AP2A2: variants seen among roughly 807,000 people sequenced by gnomAD.
AP2A2 encodes the protein AP-2 complex subunit alpha-2.
In AP2A2, 32 loss-of-function variants were observed where a neutral mutation model predicts 104.2. That is an observed-to-expected ratio of 0.31 (90% CI 0.23 to 0.41). AP2A2 has a LOEUF of 0.41. Ranked by LOEUF, AP2A2 falls within the 10% of genes least tolerant of loss-of-function variation. AP2A2 has a pLI of 1.00. For synonymous variants in AP2A2, 539 were observed against 533.3 expected, an observed-to-expected ratio of 1.01 and a Z score of -0.15; for missense variants, 912 against 1,261.0, an observed-to-expected ratio of 0.72 and a Z score of 4.19.
At chr11:1,003,849 G>A (rs1055725924) in intron 16 of AP2A2, 45 bp downstream of exon 16, 10 of 1,312,630 alleles carry the variant, frequency 7.6e-6, no homozygotes, top group Non-Finnish European at 8.5e-6. Context: ...TAGAAATATG[G>A]GAAATTAAGA....
chr11:932,378 A>G (rs1472525099), intron 1 of AP2A2, among the ~76,000 whole-genome samples: 3 of 152,284 alleles, frequency 2.0e-5, no homozygotes, highest in Non-Finnish European at 2.9e-5. Context: ...GAAACTGAAC[A>G]CTAAATTTTA....
At chr11:957,232 G>A (rs546051897) in intron 1 of AP2A2, among the ~76,000 whole-genome samples, 1 of 152,336 alleles carries the variant, frequency 6.6e-6, no homozygotes, top group Non-Finnish European at 1.5e-5. Flanking sequence ...GGCCATGGCC[G>A]CTCCATGTCC....
At chr11:932,435 G>T (rs1489033544) in intron 1 of AP2A2, among the ~76,000 whole-genome samples, 1 of 152,214 alleles carries the variant, frequency 6.6e-6, no homozygotes, top group African/African-American at 2.4e-5. Flanking sequence ...AAGTTATACT[G>T]ATTTTCGTGC....
intron 6 of AP2A2, among the ~76,000 whole-genome samples, chr11:983,661 G>A (rs1255587904): frequency 6.6e-6 from 1 of 152,204 alleles, no homozygotes; most frequent in South Asian, 2.1e-4. Flanking sequence ...GGGATTACAG[G>A]CGGGAGCCAC....
At position 993,269 on chromosome 11, in the gene AP2A2, G is replaced by T. The variant is rs1855723302; in HGVS notation, c.1453-15G>T. ...CACCTGGCTGCCACCCCGGCTCATT[G>T]TTTGTGCTTCGCAGGCTCTTCAGGC... is the stretch of plus-strand genomic sequence containing the variant. On this transcript the variant is annotated splice_polypyrimidine_tract_variant and intron_variant, in intron 11 of 21. Transcript: ENST00000448903. This position sits in a 1 kb window ranked among gnomAD's most constrained non-coding sequence, Gnocchi z 8.2. 1 of 1,599,736 alleles carries T rather than the reference G, an allele frequency of 6.3e-7. No individual in the cohort carries two copies. Among genetic ancestry groups the T allele is most frequent in the Admixed American group, 1.8e-5 (1 of 56,276 alleles).
intron 14 of AP2A2, chr11:995,399 T>C (rs1177690605): frequency 2.2e-6 from 1 of 455,654 alleles, no homozygotes; most frequent in African/African-American, 2.0e-5. Flanking sequence ...GCTGTTCCCC[T>C]CTGCACTGTC....
At chr11:1,006,371 C>G (rs982905666) in intron 16 of AP2A2, among the ~76,000 whole-genome samples, 157 bp from the exon 17 acceptor site, 1 of 152,210 alleles carries the variant, frequency 6.6e-6, no homozygotes, top group African/African-American at 2.4e-5. Context: ...CGTTCTAAAA[C>G]TGGAAAAAAT....
In AP2A2 at chr11:925,933, G is replaced by GCGGTGA; in HGVS notation, c.-85_-80dup. 9.6e-7 allele frequency: 1 copy of GCGGTGA among 1,040,314 alleles called. No individual in the cohort carries two copies. Among genetic ancestry groups the GCGGTGA allele is most frequent in the African/African-American group, 1.7e-5 (1 of 59,238 alleles). The allele number at this position is 1,040,314 out of a possible 1,614,324, so 64.4% of individuals were successfully genotyped here. A position where few individuals can be genotyped will look rare whatever the true frequency, so the allele number is the denominator to read the frequency against. Reference sequence around the variant, plus strand: ...GCGGCTCCCCGGCGGCTCCTCCGCGGCGGTGACGGCGACCGCACTCCCCGC... The same window carrying GCGGTGA: ...GCGGCTCCCCGGCGGCTCCTCCGCGGCGGTGACGGTGACGGCGACCGCACTCCCCGC... On this transcript the variant is annotated 5_prime_UTR_variant, in exon 1 of 22. Coordinates refer to ENST00000448903, the MANE Select transcript of AP2A2 (RefSeq NM_012305.4).
chr11:936,237 T>C (rs1366009471), intron 1 of AP2A2, among the ~76,000 whole-genome samples: 3 of 128,374 alleles, frequency 2.3e-5, no homozygotes, highest in Non-Finnish European at 3.3e-5. Context: ...TTTAAAGATA[T>C]AGGGTCTTGC....
intron 10 of AP2A2, among the ~76,000 whole-genome samples, chr11:991,132 G>A (rs527729837): frequency 6.6e-6 from 1 of 152,154 alleles, no homozygotes; most frequent in South Asian, 2.1e-4. Flanking sequence ...TTTCAGCCGG[G>A]TATGGTGCTC....
chr11:985,629 C>T (rs779623381), intron 8 of AP2A2, 47 bp downstream of exon 8: 23 of 1,609,800 alleles, frequency 1.4e-5, no homozygotes, highest in Admixed American at 1.2e-4. Context: ...CACACACACA[C>T]GTTCCTTCTC....
chr11:1,007,883 G>A, intron 17 of AP2A2, 129 bp from the exon 18 acceptor site: 2 of 1,371,978 alleles, frequency 1.5e-6, no homozygotes, highest in East Asian at 2.5e-5. Context: ...GGCTGCCCTC[G>A]ACCCGTAGCT....
At position 931,646 on chromosome 11, in the gene AP2A2, CAGAT is replaced by C. The variant is rs1307877420; in HGVS notation, c.67+5559_67+5562del. ...CCCAGGTCCTCACATGAAGGGGAAA[CAGAT>C]GGAGAGATGTTATTAGCAAGATGGC... On this transcript the variant is annotated intron_variant, in intron 1 of 21. Coordinates refer to ENST00000448903, the MANE Select transcript of AP2A2 (RefSeq NM_012305.4). Among the ~76,000 whole-genome samples, 10 of 152,246 alleles carry C rather than the reference CAGAT, an allele frequency of 6.6e-5. No individual in the cohort carries two copies. In the East Asian group the frequency reaches 9.6e-4, roughly 15 times the overall value.
At chr11:936,901 C>T (rs1042999906) in intron 1 of AP2A2, among the ~76,000 whole-genome samples, 1 of 152,072 alleles carries the variant, frequency 6.6e-6, no homozygotes, top group South Asian at 2.1e-4. Flanking sequence ...TTCTTGAGGC[C>T]GTTGTTTGAT....
In AP2A2 at chr11:1,000,501, C is replaced by T. The variant is rs1306324562; in HGVS notation, c.2026C>T (p.Pro676Ser). 1.3e-6 allele frequency: 2 copies of T among 1,540,250 alleles called. No individual in the cohort carries two copies. The highest frequency in any genetic ancestry group is 1.4e-5 in the African/African-American group (1 of 73,156). ...CCCCCCTGCCCCCGCGGGCCCCCCA[C>T]CCTCCTCCGGCGGCAGCGGGCTGCT... ...AAPPAPAGPP[P>S]SSGGSGLLVD... The change falls in exon 15 of 22, where the codon CCC (proline) becomes TCC (serine). Residue 676 changes from proline to serine, a missense_variant. Pro to Ser is a moderately conservative substitution (Grantham distance 74, BLOSUM62 -1). Around this residue, in one of 7 missense-constraint regions of AP2A2, gnomAD observed 105 missense variants for 90.9 expected, o/e 1.16. Transcript: ENST00000448903.
intron 16 of AP2A2, among the ~76,000 whole-genome samples, chr11:1,004,578 C>T (rs1856141682): frequency 6.6e-6 from 1 of 151,994 alleles, no homozygotes; most frequent in Admixed American, 6.6e-5. Flanking sequence ...GTGTTTGAGA[C>T]CAGCCTGCAC....
chr11:945,238 G>A (rs962224813), intron 1 of AP2A2, among the ~76,000 whole-genome samples: 3 of 152,148 alleles, frequency 2.0e-5, no homozygotes, highest in Non-Finnish European at 4.4e-5. Context: ...GAATGTGGCT[G>A]GAGACCAAGG....
At chr11:990,504 A>G (rs1441723888) in intron 10 of AP2A2, among the ~76,000 whole-genome samples, 1 of 152,134 alleles carries the variant, frequency 6.6e-6, no homozygotes, top group Non-Finnish European at 1.5e-5. Context: ...GCAGTTGTGC[A>G]GATTTTGAGG....
intron 18 of AP2A2, chr11:1,008,624 A>G (rs1282002966): frequency 5.0e-6 from 1 of 201,276 alleles, no homozygotes; most frequent in Non-Finnish European, 1.0e-5. Flanking sequence ...GTGACTACAA[A>G]TAGCGTGGAT....
Sources: gnomAD v4.1 joint callset for allele counts (sites outside exome capture counted in the v4.1 genomes callset) on GRCh38, gnomAD v4.1.1 for gene constraint, gnomAD v4.1.1 regional missense constraint, Gnocchi (gnomAD v3.1) non-coding constraint, MANE v1.5 for transcripts, NCBI Gene and HGNC (gene_info 2026-07-23, HGNC 2026-07-21) for gene names.